The following BBS9 variants were observed in gnomAD, a reference collection of about 807,000 sequenced individuals.
The protein encoded by BBS9 is protein PTHB1.
BBS9 carries 89 observed loss-of-function variants against 117.7 expected under a neutral mutation model. That is an observed-to-expected ratio of 0.76 (90% CI 0.64 to 0.90). BBS9 has a LOEUF of 0.90. BBS9 is among the 40% of genes least tolerant of loss of function. The probability of loss-of-function intolerance (pLI) is 0.00; values close to 1 mark genes in which losing one functional copy is unlikely to be tolerated. For synonymous variants in BBS9, 379 were observed against 370.9 expected, an observed-to-expected ratio of 1.02 and a Z score of -0.25; for missense variants, 982 against 1,042.2, an observed-to-expected ratio of 0.94 and a Z score of 0.80.
intron 2 of BBS9, among the ~76,000 whole-genome samples, chr7:33,147,171 G>A (rs1432687953): frequency 1.3e-5 from 2 of 151,868 alleles, no homozygotes; most frequent in Non-Finnish European, 2.9e-5. Flanking sequence ...GCATCTTCAT[G>A]TTTTTTAAGT....
chr7:33,554,296 G>A (rs1403995592), intron 21 of BBS9, among the ~76,000 whole-genome samples: 1 of 152,136 alleles, frequency 6.6e-6, no homozygotes, highest in Non-Finnish European at 1.5e-5. Context: ...AATTACTGTG[G>A]CTGCTATGTG....
intron 19 of BBS9, among the ~76,000 whole-genome samples, chr7:33,458,212 TC>T (rs1838936171): frequency 6.6e-6 from 1 of 152,182 alleles, no homozygotes. Flanking sequence ...AATGTGAAAG[TC>T]ATCCGAGGAA....
intron 20 of BBS9, among the ~76,000 whole-genome samples, chr7:33,527,135 C>A (rs955060899): frequency 1.3e-5 from 2 of 151,930 alleles, no homozygotes; most frequent in Non-Finnish European, 1.5e-5. Context: ...ACTGGGAGAA[C>A]CGCTGCTCTC....
In BBS9 at chr7:33,581,896, T is replaced by A. The variant is rs74850473; in HGVS notation, c.2522-22969T>A. Among the ~76,000 whole-genome samples, 136 of 151,820 alleles carry A rather than the reference T, an allele frequency of 9.0e-4. 1 individual carries two copies. Among genetic ancestry groups the A allele is most frequent in the Admixed American group, 3.9e-3 (60 of 15,228 alleles). ...AATTCCTTAATAGACTAATGTACTC[T>A]TTTTTTTTCTTTTCTTATTTTCCTT... is the stretch of plus-strand genomic sequence containing the variant. On this transcript the variant is annotated intron_variant, in intron 21 of 22. Coordinates refer to ENST00000242067, the MANE Select transcript of BBS9 (RefSeq NM_198428.3).
chr7:33,179,936 T>A lies in BBS9; in HGVS notation c.442+2345T>A, dbSNP rs1280649220. ...ATGTTCAGTTCTTTGTCCTTCATTT[T>A]AAAGCTTAACTTCCTTGTAGTTTCA... is the stretch of plus-strand genomic sequence containing the variant. On this transcript the variant is annotated intron_variant, in intron 5 of 22. Transcript: ENST00000242067. 2.0e-5 allele frequency among the ~76,000 whole-genome samples: 3 copies of A among 152,222 alleles called. No homozygotes were observed. In the East Asian group the frequency reaches 5.8e-4, roughly 29 times the overall value.
intron 5 of BBS9, among the ~76,000 whole-genome samples, chr7:33,225,399 A>G (rs193150083): frequency 6.6e-6 from 1 of 152,032 alleles, no homozygotes; most frequent in South Asian, 2.1e-4. Context: ...GGGTCTTGCT[A>G]TGTTGCCCAG....
At chr7:33,414,981 C>A (rs1297880804) in intron 19 of BBS9, among the ~76,000 whole-genome samples, 1 of 152,092 alleles carries the variant, frequency 6.6e-6, no homozygotes, top group Non-Finnish European at 1.5e-5. Flanking sequence ...AAGCCTAATA[C>A]CTAAAACAAC....
intron 20 of BBS9, among the ~76,000 whole-genome samples, chr7:33,517,504 G>A (rs867157394): frequency 6.6e-6 from 1 of 152,198 alleles, no homozygotes. Flanking sequence ...TGAGAGTTAT[G>A]TTATACACCA....
intron 18 of BBS9, among the ~76,000 whole-genome samples, chr7:33,386,463 T>C (rs1312306431): frequency 9.4e-5 from 11 of 117,078 alleles, no homozygotes; most frequent in African/African-American, 2.4e-4. Flanking sequence ...TTCATTTATT[T>C]ATTTATTTAT....
intron 5 of BBS9, among the ~76,000 whole-genome samples, chr7:33,256,806 T>C (rs1041184247): frequency 6.6e-6 from 1 of 152,186 alleles, no homozygotes; most frequent in Non-Finnish European, 1.5e-5. Flanking sequence ...TAATACATTA[T>C]AGGATACACT....
chr7:33,253,273 G>A (rs1796509850), intron 5 of BBS9, among the ~76,000 whole-genome samples: 1 of 152,092 alleles, frequency 6.6e-6, no homozygotes, highest in Non-Finnish European at 1.5e-5. Context: ...TTAAGATCTG[G>A]GTTTGGTTGC....
intron 21 of BBS9, among the ~76,000 whole-genome samples, chr7:33,552,219 T>G (rs971371632): frequency 5.3e-5 from 8 of 152,214 alleles, no homozygotes; most frequent in African/African-American, 1.9e-4. Context: ...TACACTATAA[T>G]ATCTGATAGC....
intron 5 of BBS9, among the ~76,000 whole-genome samples, chr7:33,253,377 G>A (rs932051311): frequency 2.0e-4 from 31 of 152,252 alleles, no homozygotes; most frequent in African/African-American, 6.7e-4. Flanking sequence ...ACTTTGGGAG[G>A]CTGAGGTGAG....
intron 19 of BBS9, among the ~76,000 whole-genome samples, chr7:33,442,299 A>G (rs1436986569): frequency 2.0e-5 from 3 of 152,218 alleles, no homozygotes; most frequent in African/African-American, 7.2e-5. Flanking sequence ...TATGTTTGCC[A>G]AAGACCAGGA....
chr7:33,337,914 G>A (rs1815713849), intron 10 of BBS9, among the ~76,000 whole-genome samples: 1 of 151,786 alleles, frequency 6.6e-6, no homozygotes, highest in African/African-American at 2.4e-5. Context: ...CCTTTCCATA[G>A]TAATGTTCCA....
At chr7:33,442,181 C>T (rs574045617) in intron 19 of BBS9, among the ~76,000 whole-genome samples, 20 of 152,230 alleles carry the variant, frequency 1.3e-4, no homozygotes, top group Non-Finnish European at 2.1e-4. Context: ...TGTGAGCCAC[C>T]GTGCCTGACT....
chr7:33,331,661 CAA>C (rs34096023), intron 9 of BBS9, among the ~76,000 whole-genome samples: 13 of 116,734 alleles, frequency 1.1e-4, no homozygotes, highest in Admixed American at 1.7e-4. Flanking sequence ...TTACAACTGC[CAA>C]AAAAAAAAAA....
At chr7:33,161,809 C>T (rs1011487242) in intron 4 of BBS9, among the ~76,000 whole-genome samples, 7 of 152,144 alleles carry the variant, frequency 4.6e-5, no homozygotes, top group African/African-American at 1.7e-4. Flanking sequence ...TAATGATTGC[C>T]ATTCTAACTG....
Position 33,540,523 on chromosome 7 carries a change from C to T in BBS9, c.2521+6347C>T, listed in dbSNP as rs151105569. On this transcript the variant is annotated intron_variant, in intron 21 of 22. Coordinates refer to ENST00000242067, the MANE Select transcript of BBS9 (RefSeq NM_198428.3). ...ATTACAGGTGGTGTCTGAGTCTCCTCTTGCTCTTTCTCTTCCATATATTTT... is the reference window on the plus strand; with the variant it reads ...ATTACAGGTGGTGTCTGAGTCTCCTTTTGCTCTTTCTCTTCCATATATTTT... Among the ~76,000 whole-genome samples, 8 of 152,314 alleles carry T rather than the reference C, an allele frequency of 5.3e-5. No individual in the cohort carries two copies. The East Asian group carries it at 1.5e-3, about 29-fold the overall frequency.
Sources: gnomAD v4.1 joint callset for allele counts (sites outside exome capture counted in the v4.1 genomes callset) on GRCh38, gnomAD v4.1.1 for gene constraint, MANE v1.5 for transcripts, NCBI Gene and HGNC (gene_info 2026-07-23, HGNC 2026-07-21) for gene names.